The following LYRM4 variants were observed in gnomAD, a reference collection of about 807,000 sequenced individuals.
The protein encoded by LYRM4 is LYR motif-containing protein 4.
Under a neutral mutation model 11.7 loss-of-function variants are expected in LYRM4, and 9 were observed. That is an observed-to-expected ratio of 0.77 (90% CI 0.46 to 1.34). LYRM4 has a LOEUF of 1.34. Ranked by LOEUF, LYRM4 falls within the 40% of genes most tolerant of loss-of-function variation. LYRM4 has a pLI of 0.00. For missense variants in LYRM4, 133 were observed against 112.5 expected (o/e 1.18, Z -0.82); for synonymous variants, 42 against 40.4 (o/e 1.04, Z -0.15).
At chr6:5,110,507 C>T (rs1485300113) in intron 2 of LYRM4, among the ~76,000 whole-genome samples, 1 of 152,194 alleles carries the variant, frequency 6.6e-6, no homozygotes, top group Non-Finnish European at 1.5e-5. Context: ...CTTCAGTCTG[C>T]CCTTGCACAG....
chr6:5,172,091 A>C (rs1759463588), intron 2 of LYRM4, among the ~76,000 whole-genome samples: 1 of 152,096 alleles, frequency 6.6e-6, no homozygotes, highest in Non-Finnish European at 1.5e-5. Flanking sequence ...GTCAACACCC[A>C]CAAGCCTCAC....
chr6:5,161,883 A>C (rs893917462), intron 2 of LYRM4, among the ~76,000 whole-genome samples: 4 of 152,180 alleles, frequency 2.6e-5, no homozygotes, highest in African/African-American at 7.2e-5. Flanking sequence ...CTGGGTGCCC[A>C]TTATCTTCAG....
chr6:5,188,829 TC>T (rs1760576377), intron 2 of LYRM4, among the ~76,000 whole-genome samples: 1 of 152,172 alleles, frequency 6.6e-6, no homozygotes, highest in Non-Finnish European at 1.5e-5. Context: ...AGTGGCGCAA[TC>T]ATGGCTCACT....
At chr6:5,112,423 G>T (rs1762925829) in intron 2 of LYRM4, among the ~76,000 whole-genome samples, 1 of 152,194 alleles carries the variant, frequency 6.6e-6, no homozygotes, top group South Asian at 2.1e-4. Context: ...TGGCTCTGCC[G>T]CGAAGACAGA....
At chr6:5,163,660 C>A (rs1355869340) in intron 2 of LYRM4, among the ~76,000 whole-genome samples, 1 of 150,560 alleles carries the variant, frequency 6.6e-6, no homozygotes, top group East Asian at 1.9e-4. Flanking sequence ...TCACTATCAC[C>A]CAGGCTAGAG....
chr6:5,143,572 G>A (rs1208628575), intron 2 of LYRM4, among the ~76,000 whole-genome samples: 1 of 152,094 alleles, frequency 6.6e-6, no homozygotes, highest in East Asian at 1.9e-4. Context: ...GCACAGAACT[G>A]GTTAAAAAAA....
At chr6:5,078,532 T>C in the LYRM4 span, among the ~76,000 whole-genome samples, 1 of 152,214 alleles carries the variant, frequency 6.6e-6, no homozygotes, top group African/African-American at 2.4e-5. Flanking sequence ...GATGTCATTC[T>C]AGTCCTGGCT....
At chr6:5,178,724 G>C (rs1229614353) in intron 2 of LYRM4, among the ~76,000 whole-genome samples, 1 of 132,992 alleles carries the variant, frequency 7.5e-6, no homozygotes, top group Non-Finnish European at 1.6e-5. Context: ...AGAATCGCTT[G>C]AACCCGGGAG....
chr6:5,163,323 C>A (rs533488669), intron 2 of LYRM4, among the ~76,000 whole-genome samples: 6 of 152,130 alleles, frequency 3.9e-5, no homozygotes, highest in Non-Finnish European at 7.3e-5. Flanking sequence ...CCGTGCCATG[C>A]CCACTGCACT....
chr6:5,043,438 T>A, the LYRM4 span: 1 of 152,106 alleles, frequency 6.6e-6, no homozygotes, highest in Non-Finnish European at 1.5e-5. Flanking sequence ...ATAAAAAATA[T>A]TTTCTGTACT....
At chr6:5,185,343 C>T (rs543473922) in intron 2 of LYRM4, among the ~76,000 whole-genome samples, 11 of 152,302 alleles carry the variant, frequency 7.2e-5, no homozygotes, top group African/African-American at 2.4e-4. Context: ...GCAGTTAAGA[C>T]GGCTGGAAAG....
intron 1 of LYRM4, among the ~76,000 whole-genome samples, chr6:5,255,601 G>C (rs1401394440): frequency 1.3e-5 from 2 of 152,094 alleles, no homozygotes; most frequent in East Asian, 3.9e-4. Flanking sequence ...CAGTTAAGTT[G>C]AAGAACCACA....
At chr6:5,136,326 T>A in intron 2 of LYRM4, 1 of 985,466 alleles carries the variant, frequency 1.0e-6, no homozygotes. Flanking sequence ...TTCTAAATGA[T>A]AACTTGTCCC....
At chr6:5,108,211 T>C (rs1762724557), downstream of LYRM4, 1 of 152,446 alleles carries the variant, frequency 6.6e-6, no homozygotes, top group Non-Finnish European at 1.5e-5. Context: ...AATGAGGGGG[T>C]GACAGTGCTG....
At chr6:5,207,361 T>C (rs1223195806) in intron 2 of LYRM4, among the ~76,000 whole-genome samples, 1 of 148,504 alleles carries the variant, frequency 6.7e-6, no homozygotes, top group African/African-American at 2.6e-5. Context: ...GCTCAGAAAA[T>C]GAGTGCACGC....
At chr6:5,084,647 C>G in the LYRM4 span, 1 of 152,258 alleles carries the variant, frequency 6.6e-6, no homozygotes, top group East Asian at 1.9e-4. Flanking sequence ...GGTCCCCGCC[C>G]CAGTCTGGCC....
intron 2 of LYRM4, among the ~76,000 whole-genome samples, chr6:5,168,726 T>C (rs1759238800): frequency 6.6e-6 from 1 of 152,202 alleles, no homozygotes; most frequent in African/African-American, 2.4e-5. Flanking sequence ...CGGCAATGGA[T>C]AGTATTACTG....
At chr6:5,098,700 G>A (rs59994776), downstream of LYRM4, among the ~76,000 whole-genome samples, 784 of 152,270 alleles carry the variant, frequency 5.1e-3, 8 homozygotes, top group African/African-American at 0.017. Flanking sequence ...GGAGGTACAC[G>A]TCCACGCGCC....
chr6:5,061,095 C>T, the LYRM4 span, among the ~76,000 whole-genome samples: 2 of 152,182 alleles, frequency 1.3e-5, no homozygotes, highest in Non-Finnish European at 2.9e-5. Flanking sequence ...GCTGGCCATG[C>T]AGGTCACTTA....
Sources: allele counts gnomAD v4.1 joint callset (sites outside exome capture counted in the v4.1 genomes callset), GRCh38; gene constraint gnomAD v4.1.1; transcripts MANE v1.5; gene names NCBI Gene and HGNC (gene_info 2026-07-23, HGNC 2026-07-21).